Variants in CRYL1 observed in about 807,000 individuals in gnomAD.
CRYL1 encodes lambda-crystallin homolog.
CRYL1 carries 29 observed loss-of-function variants against 36.6 expected under a neutral mutation model. The observed-to-expected ratio is 0.79, with a 90% CI of 0.59 to 1.08. CRYL1 has a LOEUF of 1.08. CRYL1 is among the 50% of genes least tolerant of loss of function. CRYL1 has a pLI of 0.00. For synonymous variants in CRYL1, 152 were observed against 151.5 expected (o/e 1.00, Z -0.02); for missense variants, 411 against 407.9 (o/e 1.01, Z -0.06).
chr13:20,468,094 A>G, intron 3 of CRYL1, among the ~76,000 whole-genome samples: 1 of 152,174 alleles, frequency 6.6e-6, no homozygotes. Flanking sequence ...CAATGAAAAA[A>G]ACTGTCTTCC....
intron 3 of CRYL1, among the ~76,000 whole-genome samples, chr13:20,488,628 TC>T (rs1443256296): frequency 2.0e-5 from 3 of 152,186 alleles, no homozygotes; most frequent in African/African-American, 7.2e-5. Context: ...AATGTGCAAA[TC>T]TCAGAACACA....
Position 20,415,735 on chromosome 13 carries a change from C to T in CRYL1, c.634-2348G>A, listed in dbSNP as rs897416002. Reference sequence around the variant, plus strand: ...GCTTCTAGAGGCCCGCACCCTGACTCCTGCAATTGCGGCTTTCCCGCTTTT... The same window carrying T: ...GCTTCTAGAGGCCCGCACCCTGACTTCTGCAATTGCGGCTTTCCCGCTTTT... On this transcript the variant is annotated intron_variant, in intron 5 of 7. Transcript: ENST00000298248. The surrounding 1 kb of genome is among the most constrained non-coding windows in gnomAD (Gnocchi z 4.1). 2.0e-4 allele frequency among the ~76,000 whole-genome samples: 31 copies of T among 152,380 alleles called. No individual in the cohort carries two copies. The highest frequency in any genetic ancestry group is 6.3e-4 in the African/African-American group (26 of 41,598).
chr13:20,415,000 T>C (rs550047950), intron 5 of CRYL1, among the ~76,000 whole-genome samples: 8 of 152,310 alleles, frequency 5.3e-5, no homozygotes, highest in Non-Finnish European at 1.2e-4. Flanking sequence ...ACTGAGGCAG[T>C]AGCGCTGGCC....
At chr13:20,441,402 G>T (rs1352735056) in intron 3 of CRYL1, among the ~76,000 whole-genome samples, 1 of 152,106 alleles carries the variant, frequency 6.6e-6, no homozygotes, top group African/African-American at 2.4e-5. Flanking sequence ...CAAAGCGGGG[G>T]TCCTTAATGC....
chr13:20,410,422 T>C (rs1004301207), intron 6 of CRYL1, among the ~76,000 whole-genome samples: 5 of 147,684 alleles, frequency 3.4e-5, no homozygotes, highest in Non-Finnish European at 6.0e-5. Context: ...TTGGGAGATA[T>C]ACCTAATGCT....
chr13:20,439,899 G>T, intron 3 of CRYL1, 145 bp from the exon 4 acceptor site: 2 of 731,582 alleles, frequency 2.7e-6, no homozygotes, highest in Non-Finnish European at 4.5e-6. Flanking sequence ...TGGCAACTTG[G>T]CATCTGAGAA....
chr13:20,508,435 A>C (rs2033843026), intron 2 of CRYL1, among the ~76,000 whole-genome samples: 1 of 152,218 alleles, frequency 6.6e-6, no homozygotes. Flanking sequence ...AACATTCTTT[A>C]CAATTATAAA....
chr13:20,427,956 A>G (rs536275417), intron 5 of CRYL1, among the ~76,000 whole-genome samples: 2 of 152,262 alleles, frequency 1.3e-5, no homozygotes, highest in South Asian at 4.2e-4. Context: ...CGAACCATCA[A>G]AACTCAATCA....
rs1429081294 is a variant in CRYL1, at chr13:20,512,562, TAAAA to T, written c.42-16_42-13del. The T allele has an allele frequency of 5.0e-6, 8 of 1,594,326 alleles. No homozygotes were observed. Among genetic ancestry groups the T allele is most frequent in the Non-Finnish European group, 6.9e-6 (8 of 1,164,478 alleles). ...GCCCAATGACTCCACTGAAGGGAGA[TAAAA>T]GAAAGGATTCGAGTTAATTTAATAA... On this transcript the variant is annotated splice_polypyrimidine_tract_variant and intron_variant, in intron 1 of 7. Coordinates refer to ENST00000298248, the MANE Select transcript of CRYL1 (RefSeq NM_015974.3).
rs2034169872 is a variant in CRYL1 at position 20,525,275 on chromosome 13, G to C, written c.41+479C>G. 6.6e-6 allele frequency among the ~76,000 whole-genome samples: 1 copy of C among 152,180 alleles called. No homozygotes were observed. The highest frequency in any genetic ancestry group is 2.4e-5 in the African/African-American group (1 of 41,442). Reference sequence around the variant, plus strand: ...CGCTGGCACCCTCCCTGCTGGGCTAGTCCTGTCTCCGTCACTAAACGCCTG... The same window carrying C: ...CGCTGGCACCCTCCCTGCTGGGCTACTCCTGTCTCCGTCACTAAACGCCTG... On this transcript the variant is annotated intron_variant, in intron 1 of 7. Transcript: ENST00000298248. The surrounding 1 kb of genome is among the most constrained non-coding windows in gnomAD (Gnocchi z 4.3).
intron 6 of CRYL1, among the ~76,000 whole-genome samples, chr13:20,407,476 A>G (rs2031407521): frequency 6.6e-6 from 1 of 152,130 alleles, no homozygotes; most frequent in Admixed American, 6.5e-5. Flanking sequence ...TGGCTTCTCT[A>G]CACCACGAGA....
At chr13:20,444,864 G>A (rs1333944282) in intron 3 of CRYL1, among the ~76,000 whole-genome samples, 2 of 152,162 alleles carry the variant, frequency 1.3e-5, no homozygotes, top group Non-Finnish European at 2.9e-5. Flanking sequence ...TTACAGGTGC[G>A]CAGCACCATG....
At chr13:20,513,096 C>T (rs903955335) in intron 1 of CRYL1, among the ~76,000 whole-genome samples, 50 of 152,154 alleles carry the variant, frequency 3.3e-4, no homozygotes, top group African/African-American at 1.2e-3. Context: ...TTTAAGTACA[C>T]GTTTTAATAA....
intron 5 of CRYL1, chr13:20,430,231 T>C (rs1217195939): frequency 1.0e-6 from 1 of 984,480 alleles, no homozygotes; most frequent in Admixed American, 6.1e-5. Flanking sequence ...AGGTAATTCT[T>C]TGGGTTTTAC....
chr13:20,497,605 CACA>C lies in CRYL1; in HGVS notation c.150-8112_150-8110del, dbSNP rs1195501996. Among the ~76,000 whole-genome samples the C allele has an allele frequency of 7.3e-5, 11 of 151,010 alleles. No individual in the cohort carries two copies. The South Asian group carries it at 1.9e-3, about 26-fold the overall frequency. ...ATATATATGCACCACACACACCACA[CACA>C]ACTACATACATACCACATACACACA... is the stretch of plus-strand genomic sequence containing the variant. On this transcript the variant is annotated intron_variant, in intron 2 of 7. Transcript: ENST00000298248.
intron 6 of CRYL1, among the ~76,000 whole-genome samples, chr13:20,408,830 C>T (rs537165217): frequency 3.3e-5 from 5 of 152,188 alleles, no homozygotes; most frequent in African/African-American, 1.2e-4. Context: ...CTACAAACCA[C>T]TGCTCAAGGA....
chr13:20,490,665 G>C lies in CRYL1; in HGVS notation c.150-1169C>G, dbSNP rs190361315. On this transcript the variant is annotated intron_variant, in intron 2 of 7. Transcript: ENST00000298248. ...ACAATCTCATGGCAGGGGATGGGGT[G>C]GGGGGGCATGTTGGAAAACAGTGGT... Among the ~76,000 whole-genome samples, 1,237 of 151,734 alleles carry C rather than the reference G, an allele frequency of 8.2e-3. 5 individuals are homozygous for C. The highest frequency in any genetic ancestry group is 0.017 in the Middle Eastern group (5 of 294).
intron 6 of CRYL1, 75 bp downstream of exon 6, chr13:20,413,207 C>A: frequency 9.6e-7 from 1 of 1,040,238 alleles, no homozygotes. Context: ...TAAGAAAAGG[C>A]AAAATGTGAC....
intron 4 of CRYL1, among the ~76,000 whole-genome samples, chr13:20,433,206 T>G (rs1198186441): frequency 6.6e-6 from 1 of 152,150 alleles, no homozygotes; most frequent in Admixed American, 6.5e-5. Context: ...CAGGTGAGCA[T>G]GCCCCAAGGG....
Sources: allele counts gnomAD v4.1 joint callset (sites outside exome capture counted in the v4.1 genomes callset), GRCh38; gene constraint gnomAD v4.1.1; non-coding constraint Gnocchi (gnomAD v3.1); transcripts MANE v1.5; gene names NCBI Gene and HGNC (gene_info 2026-07-23, HGNC 2026-07-21).